Variants in LMNTD1 observed in about 807,000 individuals in gnomAD.
LMNTD1 encodes lamin tail domain-containing protein 1.
LMNTD1 carries 35 observed loss-of-function variants against 50.9 expected under a neutral mutation model. That is an observed-to-expected ratio of 0.69 (90% confidence interval 0.53 to 0.91). The LOEUF (loss-of-function observed/expected upper bound fraction) is 0.91. Ranked by LOEUF, LMNTD1 falls within the 40% of genes least tolerant of loss-of-function variation. The pLI is 0.00. For synonymous variants in LMNTD1, 153 were observed against 161.9 expected, an observed-to-expected ratio of 0.94 and a Z score of 0.42; for missense variants, 470 against 475.5, an observed-to-expected ratio of 0.99 and a Z score of 0.11.
intron 9 of LMNTD1, among the ~76,000 whole-genome samples, chr12:25,491,641 T>C (rs532671604): frequency 1.3e-5 from 2 of 152,258 alleles, no homozygotes; most frequent in African/African-American, 4.8e-5. Context: ...AGAAAGTAGT[T>C]TGGTGCTGGA....
At chr12:25,489,473 G>A (rs1405247958) in intron 9 of LMNTD1, among the ~76,000 whole-genome samples, 1 of 147,300 alleles carries the variant, frequency 6.8e-6, no homozygotes, top group Non-Finnish European at 1.5e-5. Context: ...GCAATGCCTC[G>A]CCCTGCTTTG....
chr12:25,541,863 A>T (rs1943101973), intron 4 of LMNTD1, among the ~76,000 whole-genome samples: 2 of 147,210 alleles, frequency 1.4e-5, no homozygotes, highest in Admixed American at 1.4e-4. Context: ...ATGAACTCAA[A>T]CAAATTTACA....
chr12:25,502,429 T>A (rs1242936053), intron 9 of LMNTD1, among the ~76,000 whole-genome samples: 1 of 152,200 alleles, frequency 6.6e-6, no homozygotes, highest in Non-Finnish European at 1.5e-5. Flanking sequence ...AGGAAATTGA[T>A]CACCAGGTAG....
At chr12:25,579,195 G>C (rs1220192291) in intron 1 of LMNTD1, among the ~76,000 whole-genome samples, 3 of 152,112 alleles carry the variant, frequency 2.0e-5, no homozygotes, top group African/African-American at 7.2e-5. Context: ...TTTTGCTTCT[G>C]TGGATTCACC....
chr12:25,491,430 C>T (rs73074334), intron 9 of LMNTD1, among the ~76,000 whole-genome samples: 3,588 of 152,140 alleles, frequency 0.024, 86 homozygotes, highest in East Asian at 0.13. Flanking sequence ...GGAAAAGAGA[C>T]GAGAAAGGAA....
chr12:25,621,479 C>A (rs560190718), intron 1 of LMNTD1, among the ~76,000 whole-genome samples: 1 of 152,126 alleles, frequency 6.6e-6, no homozygotes, highest in African/African-American at 2.4e-5. Flanking sequence ...ATATGATATA[C>A]GTTTAACTTG....
At position 25,564,093 on chromosome 12, in the gene LMNTD1, C is replaced by T. The variant is rs535070647; in HGVS notation, c.59-17539G>A. 3.1e-4 allele frequency among the ~76,000 whole-genome samples: 47 copies of T among 152,324 alleles called. 1 individual carries two copies. The South Asian group carries it at 4.8e-3, about 15-fold the overall frequency. On this transcript the variant is annotated intron_variant, in intron 1 of 7. Transcript: ENST00000445693. ...GGAAAGGGAATTCCCTGACCCCTCGCGCTTCCCAGGTGAGGCAATGCCCCG... is the reference window on the plus strand; with the variant it reads ...GGAAAGGGAATTCCCTGACCCCTCGTGCTTCCCAGGTGAGGCAATGCCCCG...
At chr12:25,611,810 C>A (rs1451882079) in intron 1 of LMNTD1, among the ~76,000 whole-genome samples, 2 of 152,288 alleles carry the variant, frequency 1.3e-5, no homozygotes, top group East Asian at 3.9e-4. Context: ...GCAATGCATT[C>A]AAAAGTTAGA....
intron 9 of LMNTD1, among the ~76,000 whole-genome samples, chr12:25,502,497 C>A (rs1200133021): frequency 6.6e-6 from 1 of 152,190 alleles, no homozygotes; most frequent in Non-Finnish European, 1.5e-5. Context: ...AATCTGAATT[C>A]TTGGCTCCCA....
intron 3 of LMNTD1, among the ~76,000 whole-genome samples, chr12:25,548,406 A>G (rs780490724): frequency 6.6e-5 from 10 of 151,916 alleles, no homozygotes; most frequent in Non-Finnish European, 1.3e-4. Context: ...TTGTTAGTTG[A>G]TTGGCAATTG....
At chr12:25,561,539 C>T (rs879340837) in intron 1 of LMNTD1, among the ~76,000 whole-genome samples, 3 of 152,142 alleles carry the variant, frequency 2.0e-5, no homozygotes, top group Non-Finnish European at 4.4e-5. Context: ...TTTACATTTG[C>T]TGAGGAGTGC....
intron 8 of LMNTD1, among the ~76,000 whole-genome samples, chr12:25,514,736 T>A (rs921514400): frequency 6.6e-6 from 1 of 152,084 alleles, no homozygotes; most frequent in Admixed American, 6.6e-5. Flanking sequence ...TTAATAAATA[T>A]AAGCACATAA....
Position 25,489,428 on chromosome 12 carries a change from G to A in LMNTD1, c.*23-12968C>T, listed in dbSNP as rs181815094. Among the ~76,000 whole-genome samples the A allele has an allele frequency of 3.3e-4, 50 of 150,966 alleles. 1 individual carries two copies. Among genetic ancestry groups the A allele is most frequent in the Middle Eastern group, 3.4e-3 (1 of 290 alleles). On this transcript the variant is annotated intron_variant, in intron 9 of 9. Transcript: ENST00000458174. ...GTCACCCCTTTATTTGACTCGGAAA[G>A]GGAACTCCCTGACCCCTTGCGCTTC...
intron 1 of LMNTD1, among the ~76,000 whole-genome samples, chr12:25,611,524 C>T (rs1946242689): frequency 6.6e-6 from 1 of 152,166 alleles, no homozygotes; most frequent in Non-Finnish European, 1.5e-5. Context: ...TAATCCCACT[C>T]ATCATTTTAC....
chr12:25,528,452 G>A (rs746129019), intron 4 of LMNTD1, among the ~76,000 whole-genome samples: 2 of 152,230 alleles, frequency 1.3e-5, no homozygotes, highest in South Asian at 2.1e-4. Context: ...GCTAGAAAAC[G>A]CACACACAAA....
chr12:25,544,849 A>T (rs937581093), intron 4 of LMNTD1, among the ~76,000 whole-genome samples: 1 of 151,830 alleles, frequency 6.6e-6, no homozygotes, highest in Non-Finnish European at 1.5e-5. Context: ...AGAAACAAAG[A>T]AAAAATCTCT....
chr12:25,526,073 A>AC (rs1941685571), intron 6 of LMNTD1, 26 bp downstream of exon 6: 1 of 1,535,568 alleles, frequency 6.5e-7, no homozygotes, highest in African/African-American at 1.4e-5. Flanking sequence ...AAAAAAAAAA[A>AC]CGATTGTTAA....
intron 9 of LMNTD1, among the ~76,000 whole-genome samples, chr12:25,495,030 T>C (rs1939013483): frequency 1.3e-5 from 2 of 152,100 alleles, no homozygotes; most frequent in African/African-American, 4.8e-5. Flanking sequence ...AAAACTTAGA[T>C]TGGTTAAGTG....
At position 25,553,151 on chromosome 12, in the gene LMNTD1, G is replaced by C. The variant is rs1943873366; in HGVS notation, c.-113C>G. Reference sequence around the variant, plus strand: ...AGTACCAGAACCACAATTCTCATGAGGATATGTAAGTACCAACATAGCCAA... The same window carrying C: ...AGTACCAGAACCACAATTCTCATGACGATATGTAAGTACCAACATAGCCAA... On this transcript the variant is annotated 5_prime_UTR_variant, in exon 1 of 10. Coordinates refer to ENST00000458174, the MANE Select transcript of LMNTD1 (RefSeq NM_001145728.2). 7.5e-6 allele frequency: 12 copies of C among 1,609,628 alleles called. No homozygotes were observed. Among genetic ancestry groups the C allele is most frequent in the African/African-American group, 2.7e-5 (2 of 74,922 alleles).
Sources: allele counts gnomAD v4.1 joint callset (sites outside exome capture counted in the v4.1 genomes callset), GRCh38; gene constraint gnomAD v4.1.1; transcripts MANE v1.5; gene names NCBI Gene and HGNC (gene_info 2026-07-23, HGNC 2026-07-21).